The following ATG4C variants were observed in gnomAD, a reference collection of about 807,000 sequenced individuals.
The protein encoded by ATG4C is cysteine protease ATG4C.
In ATG4C, 56 loss-of-function variants were observed where a neutral mutation model predicts 57.6. That is an observed-to-expected ratio of 0.97 (90% confidence interval 0.78 to 1.21). ATG4C has a LOEUF of 1.21. Ranked by LOEUF, ATG4C falls within the 50% of genes most tolerant of loss-of-function variation. The pLI is 0.00. For missense variants in ATG4C, 595 were observed against 529.8 expected (o/e 1.12, Z -1.21); for synonymous variants, 157 against 174.1 (o/e 0.90, Z 0.78).
chr1:62,788,786 AG>A (rs776037420), intron 1 of ATG4C, among the ~76,000 whole-genome samples: 1 of 152,060 alleles, frequency 6.6e-6, no homozygotes, highest in Non-Finnish European at 1.5e-5. Context: ...TTTTGTCTTC[AG>A]GTAGAATGCC....
At chr1:62,855,605 T>C (rs1666658256) in intron 10 of ATG4C, among the ~76,000 whole-genome samples, 1 of 152,226 alleles carries the variant, frequency 6.6e-6, no homozygotes, top group Admixed American at 6.5e-5. Context: ...GTTATAGCCA[T>C]TGAATCCCTG....
intron 9 of ATG4C, chr1:62,835,440 A>C (rs569726820): frequency 1.6e-4 from 54 of 329,820 alleles, no homozygotes; most frequent in African/African-American, 6.5e-4. Flanking sequence ...ACATAAATGA[A>C]ACATGTAATT....
At chr1:62,848,936 T>G (rs77411564) in intron 10 of ATG4C, among the ~76,000 whole-genome samples, 2,087 of 152,328 alleles carry the variant, frequency 0.014, 66 homozygotes, top group African/African-American at 0.047. Flanking sequence ...TTCTTAGTTT[T>G]TTTACAGGAC....
rs115291330 is a variant in ATG4C at position 62,802,206 on chromosome 1, G to T, written c.-68-1513G>T. On this transcript the variant is annotated intron_variant, in intron 1 of 10. Coordinates refer to ENST00000317868, the MANE Select transcript of ATG4C (RefSeq NM_032852.4). ...CCTTCCATATCCATTGTATCACCAA[G>T]ACTTACTGAATTTTCTACATGTTTC... is the stretch of plus-strand genomic sequence containing the variant. Among the ~76,000 whole-genome samples the T allele has an allele frequency of 5.8e-3, 885 of 151,844 alleles. 7 individuals carry two copies. The highest frequency in any genetic ancestry group is 0.021 in the African/African-American group (854 of 41,430).
At chr1:62,797,269 T>G (rs1284683551) in intron 1 of ATG4C, among the ~76,000 whole-genome samples, 1 of 151,112 alleles carries the variant, frequency 6.6e-6, no homozygotes, top group Non-Finnish European at 1.5e-5. Context: ...CTCAATGCCC[T>G]CGATATCTTT....
intron 3 of ATG4C, 83 bp downstream of exon 3, chr1:62,805,338 C>T (rs1279826856): frequency 1.5e-5 from 20 of 1,362,938 alleles, no homozygotes; most frequent in Non-Finnish European, 1.3e-5. Flanking sequence ...CTAGATTAAT[C>T]TACTTTTGCA....
At position 62,864,847 on chromosome 1, in the gene ATG4C, A is replaced by C. The variant is rs1433084915; in HGVS notation, c.*688A>C. 1 of 151,934 alleles carries C rather than the reference A, an allele frequency of 6.6e-6. No homozygotes were observed. Among genetic ancestry groups the C allele is most frequent in the Admixed American group, 6.6e-5 (1 of 15,240 alleles). The allele number at this position is 151,934 out of a possible 1,614,324, so 9.4% of individuals were successfully genotyped here. On this transcript the variant is annotated 3_prime_UTR_variant, in exon 11 of 11. Coordinates refer to ENST00000317868, the MANE Select transcript of ATG4C (RefSeq NM_032852.4). ...ATTATAACTGCATCAATCAAGTCAG[A>C]TAAAGGCAACTATAAAATAGTAGTA...
chr1:62,800,617 T>C (rs933648752), intron 1 of ATG4C, among the ~76,000 whole-genome samples: 37 of 152,366 alleles, frequency 2.4e-4, no homozygotes, highest in African/African-American at 8.2e-4. Context: ...TGCTAAATTA[T>C]GTATGCAGTT....
At chr1:62,825,358 G>T (rs1665616861) in intron 6 of ATG4C, among the ~76,000 whole-genome samples, 1 of 151,876 alleles carries the variant, frequency 6.6e-6, no homozygotes, top group Non-Finnish European at 1.5e-5. Context: ...TCTATCAGTA[G>T]CATTTGACAC....
At chr1:62,813,872 A>G (rs993619370) in intron 3 of ATG4C, among the ~76,000 whole-genome samples, 1 of 152,244 alleles carries the variant, frequency 6.6e-6, no homozygotes, top group African/African-American at 2.4e-5. Flanking sequence ...CATTAGAGAA[A>G]TGCAATCAAA....
At chr1:62,828,663 C>T (rs961473602) in intron 6 of ATG4C, among the ~76,000 whole-genome samples, 1 of 152,090 alleles carries the variant, frequency 6.6e-6, no homozygotes, top group Non-Finnish European at 1.5e-5. Flanking sequence ...TAATTAGATC[C>T]CATTTGTCAA....
At chr1:62,784,809 G>A (rs1664028147) in intron 1 of ATG4C, among the ~76,000 whole-genome samples, 1 of 151,806 alleles carries the variant, frequency 6.6e-6, no homozygotes, top group African/African-American at 2.4e-5. Flanking sequence ...ACTTCATTTG[G>A]TTCCCGCTCA....
At position 62,819,164 on chromosome 1, in the gene ATG4C, A is replaced by T; in HGVS notation, c.554A>T (p.Tyr185Phe). ...TCTCTGAAGGAAACAATTGGGAAATATTCTGATGATCATGAAATGCGAAAT... is the reference window on the plus strand; with the variant it reads ...TCTCTGAAGGAAACAATTGGGAAATTTTCTGATGATCATGAAATGCGAAAT... ...TISLKETIGK[Y>F]SDDHEMRNEV... The change falls in exon 5 of 11, where the codon TAT (tyrosine) becomes TTT (phenylalanine). Residue 185 changes from tyrosine to phenylalanine, a missense_variant. Transcript: ENST00000317868. 1 of 1,613,524 alleles carries T rather than the reference A, an allele frequency of 6.2e-7. No homozygotes were observed. The highest frequency in any genetic ancestry group is 8.5e-7 in the Non-Finnish European group (1 of 1,179,672).
rs1665286312 is a variant in ATG4C at position 62,816,717 on chromosome 1, A to G, written c.303A>G (p.Ser101=). The G allele has an allele frequency of 6.2e-7, 1 of 1,613,654 alleles. No homozygotes were observed. The highest frequency in any genetic ancestry group is 1.7e-5 in the Admixed American group (1 of 59,950). ...YREEFPQIEG[S]ALTTDCGWGC... ...AAGAATTCCCTCAAATAGAAGGCTC[A>G]GCTTTGACAACAGACTGTGGGTGGG... Residue 101 remains serine (S), a synonymous_variant, in exon 4 of 11, where the codon TCA becomes TCG. Transcript: ENST00000317868.
intron 10 of ATG4C, among the ~76,000 whole-genome samples, chr1:62,857,469 T>G (rs938141045): frequency 1.3e-5 from 2 of 152,144 alleles, no homozygotes; most frequent in African/African-American, 4.8e-5. Flanking sequence ...TACATTATAG[T>G]GAGTTGTGTA....
At chr1:62,801,763 C>G (rs1664673753) in intron 1 of ATG4C, among the ~76,000 whole-genome samples, 1 of 151,846 alleles carries the variant, frequency 6.6e-6, no homozygotes, top group Non-Finnish European at 1.5e-5. Flanking sequence ...TGGAGACCAT[C>G]CTGGCTAACA....
At position 62,825,679 on chromosome 1, in the gene ATG4C, G is replaced by A. The variant is rs144052406; in HGVS notation, c.797-3361G>A. On this transcript the variant is annotated intron_variant, in intron 6 of 10. Coordinates refer to ENST00000317868, the MANE Select transcript of ATG4C (RefSeq NM_032852.4). The stretch of plus-strand genomic sequence containing the variant: ...AGTCCTCTCTCTAAACTCCAGTTGC[G>A]TGTCCCTGTCTACTCAACCTTTCTG... Among the ~76,000 whole-genome samples, 635 of 152,156 alleles carry A rather than the reference G, an allele frequency of 4.2e-3. 2 individuals carry two copies. The highest frequency in any genetic ancestry group is 7.3e-3 in the Non-Finnish European group (499 of 68,004).
At chr1:62,832,395 T>C (rs370341553) in intron 7 of ATG4C, among the ~76,000 whole-genome samples, 3 of 152,174 alleles carry the variant, frequency 2.0e-5, no homozygotes, top group African/African-American at 7.2e-5. Context: ...GGATGGGAAA[T>C]CTAAGATCAA....
intron 1 of ATG4C, among the ~76,000 whole-genome samples, chr1:62,790,289 C>T (rs1382533313): frequency 6.6e-6 from 1 of 152,188 alleles, no homozygotes; most frequent in Non-Finnish European, 1.5e-5. Flanking sequence ...GAGTTCTCAT[C>T]ACTTCCTTCC....
Sources: allele counts gnomAD v4.1 joint callset (sites outside exome capture counted in the v4.1 genomes callset), GRCh38; gene constraint gnomAD v4.1.1; transcripts MANE v1.5; gene names NCBI Gene and HGNC (gene_info 2026-07-23, HGNC 2026-07-21).